Variants in ANKS1B observed in about 807,000 individuals in gnomAD.
The protein encoded by ANKS1B is ankyrin repeat and sterile alpha motif domain containing 1B, also known as ankyrin repeat and sterile alpha motif domain-containing protein 1B.
A neutral mutation model predicts 148.3 loss-of-function variants in ANKS1B; 36 were observed. The observed-to-expected ratio is 0.24, with a 90% CI of 0.19 to 0.32. The LOEUF is 0.32. Among genes scored for constraint, ANKS1B ranks in the 10% least tolerant of loss-of-function variants. The probability of loss-of-function intolerance (pLI) is 1.00; values close to 1 mark genes in which losing one functional copy is unlikely to be tolerated. For missense variants in ANKS1B, 1,157 were observed against 1,542.6 expected (o/e 0.75, Z 4.19); for synonymous variants, 542 against 560.8 (o/e 0.97, Z 0.47).
intron 12 of ANKS1B, among the ~76,000 whole-genome samples, chr12:99,326,605 G>A (rs562828267): frequency 2.2e-4 from 33 of 152,022 alleles, no homozygotes; most frequent in Non-Finnish European, 2.4e-4. Flanking sequence ...CCCAGTACAG[G>A]ACTTGAGGGA....
At chr12:99,251,778 A>G (rs2153974258) in intron 12 of ANKS1B, among the ~76,000 whole-genome samples, 1 of 152,312 alleles carries the variant, frequency 6.6e-6, no homozygotes, top group Non-Finnish European at 1.5e-5. Context: ...ACTTTTGTCT[A>G]TTGGGTCATT....
intron 25 of ANKS1B, among the ~76,000 whole-genome samples, chr12:98,756,730 T>C (rs567826441): frequency 6.7e-6 from 1 of 148,550 alleles, no homozygotes; most frequent in African/African-American, 2.5e-5. Flanking sequence ...CATCTATCTT[T>C]TTTTTTTTTT....
chr12:99,619,872 C>T (rs2098024232), intron 9 of ANKS1B, among the ~76,000 whole-genome samples: 1 of 152,140 alleles, frequency 6.6e-6, no homozygotes, highest in South Asian at 2.1e-4. Flanking sequence ...ATTGGAGGAC[C>T]TGTTGGCAGA....
chr12:99,672,289 A>G lies in ANKS1B; in HGVS notation c.1129-17079T>C, dbSNP rs930539164. Among the ~76,000 whole-genome samples the G allele has an allele frequency of 5.3e-5, 8 of 152,110 alleles. No individual in the cohort carries two copies. In the South Asian group the frequency reaches 8.3e-4, roughly 16 times the overall value. ...CAGGTTTACTGTTAATTCATTCCCC[A>G]TTTCTTCACTTTGATCTTCCTAATG... On this transcript the variant is annotated intron_variant, in intron 8 of 26. Transcript: ENST00000683438.
chr12:99,629,652 T>G (rs1312027571), intron 9 of ANKS1B, among the ~76,000 whole-genome samples: 1 of 152,174 alleles, frequency 6.6e-6, no homozygotes, highest in Non-Finnish European at 1.5e-5. Flanking sequence ...TTGTTAAAGC[T>G]GGGACTTTAT....
intron 8 of ANKS1B, among the ~76,000 whole-genome samples, chr12:99,721,589 T>C (rs1171627644): frequency 6.6e-6 from 1 of 152,152 alleles, no homozygotes; most frequent in African/African-American, 2.4e-5. Context: ...TAATTTTCCT[T>C]TACCTATCCA....
At chr12:99,386,344 C>T (rs2093857424) in intron 12 of ANKS1B, 1 of 152,172 alleles carries the variant, frequency 6.6e-6, no homozygotes, top group African/African-American at 2.4e-5. Flanking sequence ...ATTCATTCCG[C>T]ACACTGGATT....
At chr12:99,055,724 G>A (rs55772497) in intron 16 of ANKS1B, among the ~76,000 whole-genome samples, 3 of 84,728 alleles carry the variant, frequency 3.5e-5, no homozygotes, top group Admixed American at 1.4e-4. Context: ...CTAAACTTGG[G>A]GGGGGGGGAG....
intron 1 of ANKS1B, among the ~76,000 whole-genome samples, chr12:99,974,947 A>G (rs1566120557): frequency 2.6e-5 from 4 of 152,098 alleles, no homozygotes; most frequent in African/African-American, 4.8e-5. Context: ...ATCACTATGT[A>G]TGGCAGGAGT....
At chr12:99,085,082 C>G (rs1247701678) in intron 15 of ANKS1B, 59 bp from the exon 16 acceptor site, 2 of 1,344,148 alleles carry the variant, frequency 1.5e-6, no homozygotes, top group Middle Eastern at 1.8e-4. Flanking sequence ...GGATAAATAA[C>G]AAGGATTTAT....
chr12:99,391,292 C>T (rs1179307346), intron 12 of ANKS1B, among the ~76,000 whole-genome samples: 1 of 152,172 alleles, frequency 6.6e-6, no homozygotes, highest in Non-Finnish European at 1.5e-5. Context: ...TCTCATTGCT[C>T]TTAGGATAAA....
intron 1 of ANKS1B, among the ~76,000 whole-genome samples, chr12:99,900,018 C>T (rs2093536274): frequency 6.6e-6 from 1 of 151,832 alleles, no homozygotes; most frequent in African/African-American, 2.4e-5. Context: ...CCTGCCTCAG[C>T]CTCCCAAGTA....
intron 12 of ANKS1B, among the ~76,000 whole-genome samples, chr12:99,293,026 A>G (rs751780739): frequency 5.3e-5 from 8 of 152,244 alleles, no homozygotes; most frequent in African/African-American, 7.2e-5. Context: ...ATTACAAATC[A>G]TGCTACTATA....
chr12:98,773,219 G>A (rs753919141), intron 24 of ANKS1B, 40 bp from the exon 25 acceptor site: 29 of 1,566,206 alleles, frequency 1.9e-5, no homozygotes, highest in Admixed American at 1.1e-4. Flanking sequence ...TTTCCTCTGC[G>A]AACCAGCATA....
intron 1 of ANKS1B, among the ~76,000 whole-genome samples, chr12:99,855,161 A>C (rs2088785449): frequency 6.6e-6 from 1 of 152,140 alleles, no homozygotes; most frequent in African/African-American, 2.4e-5. Flanking sequence ...CAAGAGACTC[A>C]CCTGACACAT....
chr12:99,070,865 A>G (rs773482326), intron 16 of ANKS1B, among the ~76,000 whole-genome samples: 37 of 152,062 alleles, frequency 2.4e-4, no homozygotes, highest in Non-Finnish European at 5.1e-4. Context: ...GGGTCTCACT[A>G]TGTTGCCCAG....
At chr12:99,100,384 C>T (rs555562606) in intron 15 of ANKS1B, among the ~76,000 whole-genome samples, 1 of 152,316 alleles carries the variant, frequency 6.6e-6, no homozygotes, top group East Asian at 1.9e-4. Flanking sequence ...TATCATTTCA[C>T]AACATTTACT....
intron 8 of ANKS1B, among the ~76,000 whole-genome samples, chr12:99,756,300 T>C (rs971913103): frequency 6.6e-6 from 1 of 151,272 alleles, no homozygotes; most frequent in Non-Finnish European, 1.5e-5. Context: ...AACAGGCAAG[T>C]GGAGAGTCAA....
At chr12:99,058,404 C>T (rs1036588614) in intron 16 of ANKS1B, among the ~76,000 whole-genome samples, 3 of 151,856 alleles carry the variant, frequency 2.0e-5, no homozygotes, top group Admixed American at 2.0e-4. Flanking sequence ...CCACTACACC[C>T]GGCTAATTTT....
Sources: gnomAD v4.1 joint callset for allele counts (sites outside exome capture counted in the v4.1 genomes callset) on GRCh38, gnomAD v4.1.1 for gene constraint, MANE v1.5 for transcripts, NCBI Gene and HGNC (gene_info 2026-07-23, HGNC 2026-07-21) for gene names.